The following ADRA2B variants were observed in gnomAD, a reference collection of about 807,000 sequenced individuals.
The protein encoded by ADRA2B is alpha-2B adrenergic receptor.
ADRA2B carries 14 observed loss-of-function variants against 14.4 expected under a neutral mutation model. That is an observed-to-expected ratio of 0.97 (90% CI 0.64 to 1.52). The LOEUF is 1.52. Among genes scored for constraint, ADRA2B ranks in the 40% most tolerant of loss-of-function variants. The pLI is 0.00. For missense variants in ADRA2B, 606 were observed against 603.2 expected, an observed-to-expected ratio of 1.00 and a Z score of -0.05; for synonymous variants, 250 against 263.7, an observed-to-expected ratio of 0.95 and a Z score of 0.50.
chr2:96,114,401 A>G lies in ADRA2B; in HGVS notation c.*396T>C. 1 of 1,006,424 alleles carries G rather than the reference A, an allele frequency of 9.9e-7. No homozygotes were observed. The highest frequency in any genetic ancestry group is 1.2e-6 in the Non-Finnish European group (1 of 842,438). The allele number at this position is 1,006,424 out of a possible 1,614,324, so 62.3% of individuals were successfully genotyped here. A position where few individuals can be genotyped will look rare whatever the true frequency, so the allele number is the denominator to read the frequency against. The stretch of plus-strand genomic sequence containing the variant: ...GTGGGGGGGAGATGAAAAAGAAACG[A>G]AAACACCACAAGCAAGTGACCTGCC... On this transcript the variant is annotated 3_prime_UTR_variant, in exon 1 of 1. Transcript: ENST00000620793.
rs1173956301 is a variant in ADRA2B, at chr2:96,115,074, C to T, written c.1076G>A (p.Arg359Gln). ...VGAIGGQWWR[R>Q]RAQLTREKRF... The stretch of plus-strand genomic sequence containing the variant: ...CTTCTCCCGGGTCAGCTGCGCCCGT[C>T]GACGCCACCACTGCCCACCTATAGC... Residue 359 changes from arginine (R) to glutamine (Q), a missense_variant, in exon 1 of 1, where the codon CGA (arginine) becomes CAA (glutamine). By Grantham distance (43) the Arg-to-Gln change is conservative. Coordinates refer to ENST00000620793, the MANE Select transcript of ADRA2B (RefSeq NM_000682.7). 1 of 1,612,938 alleles carries T rather than the reference C, an allele frequency of 6.2e-7. No homozygotes were observed. Among genetic ancestry groups the T allele is most frequent in the South Asian group, 1.1e-5 (1 of 91,018 alleles).
chr2:96,115,489 G>A lies in ADRA2B; in HGVS notation c.661C>T (p.Pro221Ser), dbSNP rs770838322. The A allele has an allele frequency of 2.5e-6, 4 of 1,613,428 alleles. No individual in the cohort carries two copies. Among genetic ancestry groups the A allele is most frequent in the African/African-American group, 2.7e-5 (2 of 74,924 alleles). Residue 221 changes from proline to serine, a missense_variant, in exon 1 of 1, where the codon CCC (proline) becomes TCC (serine). By Grantham distance (74) the Pro-to-Ser change is moderately conservative. Transcript: ENST00000620793. ...GGPGQGESKQ[P>S]RPDHGGALAS... ...AAAGCCCCACCATGGTCGGGTCGGG[G>A]CTGCTTGGACTCACCCTGCCCAGGC...
Position 96,114,945 on chromosome 2 carries a change from T to C in ADRA2B, c.1205A>G (p.Lys402Arg), listed in dbSNP as rs770071378. 34 of 1,613,530 alleles carry C rather than the reference T, an allele frequency of 2.1e-5. No homozygotes were observed. The highest frequency in any genetic ancestry group is 2.8e-5 in the Non-Finnish European group (33 of 1,179,736). Residue 402 changes from lysine (K) to arginine (R), a missense_variant, in exon 1 of 1, where the codon AAG becomes AGG. By Grantham distance (26) the Lys-to-Arg change is conservative. Coordinates refer to ENST00000620793, the MANE Select transcript of ADRA2B (RefSeq NM_000682.7). ...SLGAICPKHC[K>R]VPHGLFQFFF... ...GAACTGGAAGAGGCCATGGGGCACC[T>C]TGCAGTGCTTCGGGCAGATGGCTCC...
Position 96,115,112 on chromosome 2 carries a change from G to T in ADRA2B, c.1038C>A (p.Gly346=). 6.2e-7 allele frequency: 1 copy of T among 1,610,944 alleles called. No individual in the cohort carries two copies. Among genetic ancestry groups the T allele is most frequent in the Non-Finnish European group, 8.5e-7 (1 of 1,178,666 alleles). The stretch of plus-strand genomic sequence containing the variant: ...GCCCACCTATAGCACCCACGCCCCT[G>T]CCCAGGAGCACCTGGCCACGTAGGG... ...LATLRGQVLL[G]RGVGAIGGQW... is the part of the protein sequence containing the mutation. Residue 346 remains glycine (G), a synonymous_variant, in exon 1 of 1, where the codon GGC becomes GGA. Transcript: ENST00000620793.
In ADRA2B at chr2:96,116,124, A is replaced by G; in HGVS notation, c.26T>C (p.Val9Ala). The change falls in exon 1 of 1, where the codon GTG (valine) becomes GCG (alanine). Residue 9 changes from valine to alanine, a missense_variant. Physicochemically the swap from Val to Ala is moderately conservative, Grantham distance 64. Coordinates refer to ENST00000620793, the MANE Select transcript of ADRA2B (RefSeq NM_000682.7). ...CGCCGCTATGGCCGCTGTGGCCTGC[A>G]CGGAGTAGGGGTCCTGGTGGTCCAT... MDHQDPYS[V>A]QATAAIAAAI... The G allele has an allele frequency of 3.1e-6, 5 of 1,611,384 alleles. No homozygotes were observed. The highest frequency in any genetic ancestry group is 1.1e-5 in the South Asian group (1 of 90,540).
At position 96,115,823 on chromosome 2, in the gene ADRA2B, G is replaced by A. The variant is rs769983087; in HGVS notation, c.327C>T (p.Asp109=). Residue 109 remains aspartate, a synonymous_variant, in exon 1 of 1, where the codon GAC becomes GAT. Coordinates refer to ENST00000620793, the MANE Select transcript of ADRA2B (RefSeq NM_000682.7). ...SIVHLCAISL[D]RYWAVSRALE... is the part of the protein sequence containing the mutation. ...GCGCGCGGCTCACGGCCCAGTAGCG[G>A]TCCAGGCTGATGGCGCACAGGTGCA... 1 of 1,613,452 alleles carries A rather than the reference G, an allele frequency of 6.2e-7. No individual in the cohort carries two copies. The highest frequency in any genetic ancestry group is 1.1e-5 in the South Asian group (1 of 91,052).
chr2:96,115,697 C>T lies in ADRA2B; in HGVS notation c.453G>A (p.Lys151=), dbSNP rs372831901. Reference sequence around the variant, plus strand: ...CGCGCGGCTGGGGGCCCTGGTCGCCCTTGTAGATGAGGGGCGGCAGCGAGA... The same window carrying T: ...CGCGCGGCTGGGGGCCCTGGTCGCCTTTGTAGATGAGGGGCGGCAGCGAGA... ...AVISLPPLIY[K]GDQGPQPRGR... The change falls in exon 1 of 1, where the codon AAG becomes AAA. Residue 151 remains lysine, a synonymous_variant. Coordinates refer to ENST00000620793, the MANE Select transcript of ADRA2B (RefSeq NM_000682.7). 3 of 1,613,406 alleles carry T rather than the reference C, an allele frequency of 1.9e-6. No individual in the cohort carries two copies. The highest frequency in any genetic ancestry group is 2.5e-6 in the Non-Finnish European group (3 of 1,179,810).
At position 96,115,043 on chromosome 2, in the gene ADRA2B, G is replaced by A. The variant is rs1220484257; in HGVS notation, c.1107C>T (p.Phe369=). Residue 369 remains phenylalanine, a synonymous_variant, in exon 1 of 1, where the codon TTC becomes TTT. Coordinates refer to ENST00000620793, the MANE Select transcript of ADRA2B (RefSeq NM_000682.7). The part of the protein sequence containing the change: ...RRAQLTREKR[F]TFVLAVVIGV... The stretch of plus-strand genomic sequence containing the variant: ...CAATGACCACAGCCAGCACGAAGGT[G>A]AAGCGCTTCTCCCGGGTCAGCTGCG... 1 of 1,613,808 alleles carries A rather than the reference G, an allele frequency of 6.2e-7. No homozygotes were observed. Among genetic ancestry groups the A allele is most frequent in the Non-Finnish European group, 8.5e-7 (1 of 1,179,806 alleles).
In ADRA2B at chr2:96,115,956, AT is replaced by A. The variant is rs746028936; in HGVS notation, c.193del (p.Ile65SerfsTer50). On this transcript the variant is annotated frameshift_variant, in exon 1 of 1. Transcript: ENST00000620793. LOFTEE classifies it low-confidence loss of function (END_TRUNC). ...AAADILVATL[I>X]IPFSLANELL... The stretch of plus-strand genomic sequence containing the variant: ...CTCGTTGGCCAGCGAGAAAGGGATG[AT>A]GAGCGTGGCCACCAGGATGTCGGCG... 36 of 1,613,774 alleles carry A rather than the reference AT, an allele frequency of 2.2e-5. No individual in the cohort carries two copies. Among genetic ancestry groups the A allele is most frequent in the Admixed American group, 6.7e-5 (4 of 59,982 alleles).
At position 96,115,922 on chromosome 2, in the gene ADRA2B, G is replaced by A; in HGVS notation, c.228C>T (p.Gly76=). The A allele has an allele frequency of 6.2e-7, 1 of 1,613,766 alleles. No homozygotes were observed. Among genetic ancestry groups the A allele is most frequent in the African/African-American group, 1.3e-5 (1 of 75,060 alleles). ...ACCACGTGCGCCGGAAGTACCAGTA[G>A]CCCAGCAGCTCGTTGGCCAGCGAGA... The part of the protein sequence containing the change: ...IPFSLANELL[G]YWYFRRTWCE... The change falls in exon 1 of 1, where the codon GGC becomes GGT. Residue 76 remains glycine (G), a synonymous_variant. Transcript: ENST00000620793.
chr2:96,115,923 C>T lies in ADRA2B; in HGVS notation c.227G>A (p.Gly76Asp), dbSNP rs1467574743. Residue 76 changes from glycine (G) to aspartate (D), a missense_variant, in exon 1 of 1, where the codon GGC (glycine) becomes GAC (aspartate). Physicochemically the swap from Gly to Asp is moderately conservative, Grantham distance 94. Coordinates refer to ENST00000620793, the MANE Select transcript of ADRA2B (RefSeq NM_000682.7). The part of the protein sequence containing the change: ...IPFSLANELL[G>D]YWYFRRTWCE... ...CCACGTGCGCCGGAAGTACCAGTAG[C>T]CCAGCAGCTCGTTGGCCAGCGAGAA... is the stretch of plus-strand genomic sequence containing the variant. 2.5e-6 allele frequency: 4 copies of T among 1,613,726 alleles called. No homozygotes were observed. The South Asian group carries it at 4.4e-5, about 18-fold the overall frequency.
rs1681788393 is a variant in ADRA2B at position 96,113,129 on chromosome 2, T to G, written c.*1668A>C. 2.5e-6 allele frequency: 1 copy of G among 398,318 alleles called. No homozygotes were observed. 24.7% of individuals were successfully genotyped at this position (398,318 alleles called of 1,614,324 possible). A position where few individuals can be genotyped will look rare whatever the true frequency, so the allele number is the denominator to read the frequency against. On this transcript the variant is annotated 3_prime_UTR_variant, in exon 1 of 1. Transcript: ENST00000620793. Reference sequence around the variant, plus strand: ...AAGCCTCCCACACCCCAGGAAGGACTCTTTTTGGTCCCCTCCATTCTCTCT... The same window carrying G: ...AAGCCTCCCACACCCCAGGAAGGACGCTTTTTGGTCCCCTCCATTCTCTCT...
Position 96,115,843 on chromosome 2 carries a change from G to A in ADRA2B, c.307C>T (p.Leu103=), listed in dbSNP as rs1681861959. The stretch of plus-strand genomic sequence containing the variant: ...TAGCGGTCCAGGCTGATGGCGCACA[G>A]GTGCACGATGGACGAGGTGCAGAAG... The part of the protein sequence containing the change: ...VLFCTSSIVH[L]CAISLDRYWA... Residue 103 remains leucine, a synonymous_variant, in exon 1 of 1, where the codon CTG becomes TTG. Coordinates refer to ENST00000620793, the MANE Select transcript of ADRA2B (RefSeq NM_000682.7). 1.9e-6 allele frequency: 3 copies of A among 1,613,446 alleles called. No homozygotes were observed. The highest frequency in any genetic ancestry group is 2.5e-6 in the Non-Finnish European group (3 of 1,179,724).
In ADRA2B at chr2:96,114,230, A is replaced by G; in HGVS notation, c.*567T>C. The G allele has an allele frequency of 1.0e-6, 1 of 986,624 alleles. No individual in the cohort carries two copies. Among genetic ancestry groups the G allele is most frequent in the Non-Finnish European group, 1.2e-6 (1 of 830,814 alleles). 61.1% of individuals were successfully genotyped at this position (986,624 alleles called of 1,614,324 possible). On this transcript the variant is annotated 3_prime_UTR_variant, in exon 1 of 1. Transcript: ENST00000620793. ...GGCAAAGGGGGAAAGGAGGGCCCAGAGACGATGCCACCCCATAAGCCCCCA... is the reference window on the plus strand; with the variant it reads ...GGCAAAGGGGGAAAGGAGGGCCCAGGGACGATGCCACCCCATAAGCCCCCA...
chr2:96,114,381 G>A lies in ADRA2B; in HGVS notation c.*416C>T. 1.0e-6 allele frequency: 1 copy of A among 1,002,300 alleles called. No homozygotes were observed. 62.1% of individuals were successfully genotyped at this position (1,002,300 alleles called of 1,614,324 possible). A position where few individuals can be genotyped will look rare whatever the true frequency, so the allele number is the denominator to read the frequency against. ...TGGCTCCGTGCTCTTTGTGGGTGGGGGGGAGATGAAAAAGAAACGAAAACA... is the reference window on the plus strand; with the variant it reads ...TGGCTCCGTGCTCTTTGTGGGTGGGAGGGAGATGAAAAAGAAACGAAAACA... On this transcript the variant is annotated 3_prime_UTR_variant, in exon 1 of 1. Transcript: ENST00000620793.
chr2:96,114,197 C>T lies in ADRA2B; in HGVS notation c.*600G>A, dbSNP rs1681810842. ...CTGGCTTTCAAAGGAACCACAGATC[C>T]GAAAACAGGCAAAGGGGGAAAGGAG... On this transcript the variant is annotated 3_prime_UTR_variant, in exon 1 of 1. Coordinates refer to ENST00000620793, the MANE Select transcript of ADRA2B (RefSeq NM_000682.7). 6.1e-6 allele frequency: 6 copies of T among 985,796 alleles called. No homozygotes were observed. Among genetic ancestry groups the T allele is most frequent in the Non-Finnish European group, 7.2e-6 (6 of 830,214 alleles). 61.1% of individuals were successfully genotyped at this position (985,796 alleles called of 1,614,324 possible).
In ADRA2B at chr2:96,115,727, G is replaced by T. The variant is rs375034155; in HGVS notation, c.423C>A (p.Ala141=). ...AGATGAGGGGCGGCAGCGAGATGAC[G>T]GCGGCGATGAGCCACACAGTGAGGA... ...CIILTVWLIA[A]VISLPPLIYK... Residue 141 remains alanine (A), a synonymous_variant, in exon 1 of 1, where the codon GCC becomes GCA. Transcript: ENST00000620793. 1.9e-6 allele frequency: 3 copies of T among 1,613,346 alleles called. No individual in the cohort carries two copies. Among genetic ancestry groups the T allele is most frequent in the East Asian group, 4.5e-5 (2 of 44,864 alleles).
Position 96,115,135 on chromosome 2 carries a change from G to A in ADRA2B, c.1015C>T (p.Leu339=). 1 of 1,602,472 alleles carries A rather than the reference G, an allele frequency of 6.2e-7. No homozygotes were observed. The highest frequency in any genetic ancestry group is 8.5e-7 in the Non-Finnish European group (1 of 1,174,742). The change falls in exon 1 of 1, where the codon CTA becomes TTA. Residue 339 remains leucine (L), a synonymous_variant. Coordinates refer to ENST00000620793, the MANE Select transcript of ADRA2B (RefSeq NM_000682.7). ...QPQGSRVLAT[L]RGQVLLGRGV... is the part of the protein sequence containing the mutation. ...CTGCCCAGGAGCACCTGGCCACGTA[G>A]GGTGGCCAGCACCCGGGAGCCCTGT...
At position 96,114,311 on chromosome 2, in the gene ADRA2B, C is replaced by A; in HGVS notation, c.*486G>T. The A allele has an allele frequency of 1.0e-6, 1 of 994,656 alleles. No homozygotes were observed. The allele number at this position is 994,656 out of a possible 1,614,324, so 61.6% of individuals were successfully genotyped here. A position where few individuals can be genotyped will look rare whatever the true frequency, so the allele number is the denominator to read the frequency against. ...TAGCGTGGGTGATCAGTCTTCGTTT[C>A]TTCCTCCCCCTCAGCAGCAGGCCCC... On this transcript the variant is annotated 3_prime_UTR_variant, in exon 1 of 1. Coordinates refer to ENST00000620793, the MANE Select transcript of ADRA2B (RefSeq NM_000682.7).
Sources: gnomAD v4.1 joint callset for allele counts on GRCh38, gnomAD v4.1.1 for gene constraint, MANE v1.5 for transcripts, NCBI Gene and HGNC (gene_info 2026-07-23, HGNC 2026-07-21) for gene names.